JHY: variants seen among roughly 807,000 people sequenced by gnomAD.
JHY encodes jhy protein homolog.
Under a neutral mutation model 78.0 loss-of-function variants are expected in JHY, and 69 were observed. The observed-to-expected ratio is 0.88, with a 90% confidence interval of 0.73 to 1.08. The LOEUF (loss-of-function observed/expected upper bound fraction) is 1.08, where lower values mean the gene tolerates loss of function less well. Among genes scored for constraint, JHY ranks in the 50% least tolerant of loss-of-function variants. The pLI is 0.00. For synonymous variants in JHY, 368 were observed against 342.6 expected (o/e 1.07, Z -0.82); for missense variants, 944 against 927.8 (o/e 1.02, Z -0.23).
At chr11:122,941,165 C>A (rs1863868087) in intron 5 of JHY, among the ~76,000 whole-genome samples, 1 of 152,130 alleles carries the variant, frequency 6.6e-6, no homozygotes, top group Non-Finnish European at 1.5e-5. Context: ...AATTTAGAAA[C>A]CAAGATTTGA....
chr11:122,934,270 C>T lies in JHY; in HGVS notation c.979-150C>T, dbSNP rs149507001. On this transcript the variant is annotated intron_variant, in intron 4 of 8. Coordinates refer to ENST00000227349, the MANE Select transcript of JHY (RefSeq NM_024806.4). ...GGCGGAGCTTGCAGTGAGCCCAGAT[C>T]GTGCCACTGCACTCCAGCCTGGGAG... 2,663 of 303,516 alleles carry T rather than the reference C, an allele frequency of 8.8e-3. 167 individuals carry two copies. In the East Asian group the frequency reaches 0.16, roughly 18 times the overall value. The allele number at this position is 303,516 out of a possible 1,614,324, so 18.8% of individuals were successfully genotyped here. A position where few individuals can be genotyped will look rare whatever the true frequency, so the allele number is the denominator to read the frequency against.
In JHY at chr11:122,959,214, C is replaced by T. The variant is rs1352291921; in HGVS notation, c.2140-34C>T. 8.2e-6 allele frequency: 13 copies of T among 1,583,286 alleles called. No individual in the cohort carries two copies. The East Asian group carries it at 2.5e-4, about 30-fold the overall frequency. On this transcript the variant is annotated intron_variant, in intron 8 of 8. Transcript: ENST00000227349. ...ATTTAAGGAATCCAGGCTCACTTCCCATTTCAAATAAAATTTCATCTTTAT... is the reference window on the plus strand; with the variant it reads ...ATTTAAGGAATCCAGGCTCACTTCCTATTTCAAATAAAATTTCATCTTTAT...
At position 122,953,016 on chromosome 11, in the gene JHY, G is replaced by A. The variant is rs545562041; in HGVS notation, c.1930-3480G>A. Among the ~76,000 whole-genome samples, 39 of 152,242 alleles carry A rather than the reference G, an allele frequency of 2.6e-4. No homozygotes were observed. The South Asian group carries it at 7.5e-3, about 29-fold the overall frequency. On this transcript the variant is annotated intron_variant, in intron 6 of 8. Transcript: ENST00000227349. Reference sequence around the variant, plus strand: ...AAATACCCAGTATAATCAAGGTTTGGACAAAAAGAGCAATCTTGTGGCTCC... The same window carrying A: ...AAATACCCAGTATAATCAAGGTTTGAACAAAAAGAGCAATCTTGTGGCTCC...
intron 3 of JHY, among the ~76,000 whole-genome samples, chr11:122,919,710 G>A (rs929147472): frequency 2.0e-5 from 3 of 152,138 alleles, no homozygotes; most frequent in South Asian, 4.1e-4. Flanking sequence ...CAGGCACGGC[G>A]GCTCACGCCT....
chr11:122,918,691 T>C (rs533169140), intron 3 of JHY, among the ~76,000 whole-genome samples: 1 of 151,478 alleles, frequency 6.6e-6, no homozygotes, highest in African/African-American at 2.4e-5. Context: ...GTAGATTATA[T>C]GTATTCTGAT....
intron 3 of JHY, among the ~76,000 whole-genome samples, chr11:122,923,498 CTTTAAG>C (rs375721625): frequency 6.6e-6 from 1 of 152,274 alleles, no homozygotes; most frequent in African/African-American, 2.4e-5. Context: ...GATTGCATAA[CTTTAAG>C]TTTGCTTCCT....
In JHY at chr11:122,917,448, G is replaced by A. The variant is rs1224071219; in HGVS notation, c.865-7449G>A. ...ATTTTAAAGCAGAAGCTCTCATATTGTGTTCCTTGGACCAGGAGCATCATC... is the reference window on the plus strand; with the variant it reads ...ATTTTAAAGCAGAAGCTCTCATATTATGTTCCTTGGACCAGGAGCATCATC... On this transcript the variant is annotated intron_variant, in intron 3 of 8. Transcript: ENST00000227349. This position sits in a 1 kb window ranked among gnomAD's most constrained non-coding sequence, Gnocchi z 4.1. 1.3e-5 allele frequency among the ~76,000 whole-genome samples: 2 copies of A among 152,180 alleles called. No individual in the cohort carries two copies. The highest frequency in any genetic ancestry group is 2.4e-5 in the African/African-American group (1 of 41,434).
At chr11:122,958,452 A>G (rs1430844724) in intron 8 of JHY, among the ~76,000 whole-genome samples, 1 of 152,032 alleles carries the variant, frequency 6.6e-6, no homozygotes, top group Non-Finnish European at 1.5e-5. Context: ...TTTTTCATGA[A>G]GAGTTTCAAG....
chr11:122,940,246 G>A (rs1430728602), intron 5 of JHY, among the ~76,000 whole-genome samples: 1 of 152,026 alleles, frequency 6.6e-6, no homozygotes, highest in Non-Finnish European at 1.5e-5. Flanking sequence ...GCTGAGGCAG[G>A]AGAATCTCTT....
At chr11:122,891,674 C>G (rs761405124) in intron 2 of JHY, among the ~76,000 whole-genome samples, 2 of 151,950 alleles carry the variant, frequency 1.3e-5, no homozygotes, top group Admixed American at 6.6e-5. Flanking sequence ...TTGTAAAACT[C>G]TTTGCTTTAT....
intron 3 of JHY, among the ~76,000 whole-genome samples, chr11:122,915,457 GAGGC>G (rs1471463161): frequency 1.3e-5 from 2 of 152,160 alleles, no homozygotes; most frequent in Non-Finnish European, 2.9e-5. Context: ...CCTCACACAA[GAGGC>G]AATCATGGAA....
At chr11:122,928,481 C>T (rs1219776211) in intron 4 of JHY, among the ~76,000 whole-genome samples, 3 of 150,524 alleles carry the variant, frequency 2.0e-5, no homozygotes, top group Non-Finnish European at 4.4e-5. Flanking sequence ...ATATTTCACA[C>T]AACAAATATT....
At chr11:122,916,909 A>G (rs537260592) in intron 3 of JHY, among the ~76,000 whole-genome samples, 1 of 152,232 alleles carries the variant, frequency 6.6e-6, no homozygotes, top group South Asian at 2.1e-4. Flanking sequence ...AGATACAGGC[A>G]TGAGCTACTG....
intron 2 of JHY, among the ~76,000 whole-genome samples, chr11:122,889,532 A>G (rs959329133): frequency 1.3e-5 from 2 of 152,228 alleles, no homozygotes; most frequent in African/African-American, 4.8e-5. Flanking sequence ...ATAGGAGGAC[A>G]TGCAGGGCTA....
rs1245932604 is a variant in JHY at position 122,924,925 on chromosome 11, A to G, written c.893A>G (p.Lys298Arg). The change falls in exon 4 of 9, where the codon AAG becomes AGG. Residue 298 changes from lysine (K) to arginine (R), a missense_variant. Transcript: ENST00000227349. ...TCCTACCCCGTCAGAGTAACAGACA[A>G]GACGTCTATTCAGAATGCCAAGGAA... is the stretch of plus-strand genomic sequence containing the variant. ...QISYPVRVTD[K>R]TSIQNAKEME... 1 of 1,613,828 alleles carries G rather than the reference A, an allele frequency of 6.2e-7. No homozygotes were observed. The highest frequency in any genetic ancestry group is 8.5e-7 in the Non-Finnish European group (1 of 1,179,828).
At position 122,903,931 on chromosome 11, in the gene JHY, A is replaced by G; in HGVS notation, c.351A>G (p.Gln117=). The stretch of plus-strand genomic sequence containing the variant: ...TCTCTTCTGCTTTGGGCAGGCAACA[A>G]CCAATAGAAGACAAATATTCAGACC... The part of the protein sequence containing the change: ...TWDQGANNRQ[Q]PIEDKYSDLR... The change falls in exon 3 of 9, where the codon CAA becomes CAG. Residue 117 remains glutamine (Q), a synonymous_variant. Transcript: ENST00000227349. The G allele has an allele frequency of 6.3e-7, 1 of 1,580,026 alleles. No individual in the cohort carries two copies. The highest frequency in any genetic ancestry group is 1.4e-5 in the African/African-American group (1 of 73,932).
At chr11:122,957,558 T>A in intron 8 of JHY, 67 bp downstream of exon 8, 8 of 156,802 alleles carry the variant, frequency 5.1e-5, no homozygotes, top group Non-Finnish European at 7.2e-5. Flanking sequence ...TATTATCGCT[T>A]TTTTTTTTTT....
chr11:122,919,158 C>T (rs1421213484), intron 3 of JHY, among the ~76,000 whole-genome samples: 1 of 151,766 alleles, frequency 6.6e-6, no homozygotes, highest in Admixed American at 6.6e-5. Context: ...TCGGGACCAG[C>T]CTGGCTAACA....
chr11:122,954,314 T>C (rs1864148751), intron 6 of JHY, among the ~76,000 whole-genome samples: 1 of 152,216 alleles, frequency 6.6e-6, no homozygotes, highest in Admixed American at 6.5e-5. Flanking sequence ...AGCAAACTTT[T>C]GCTTAGACTT....
Sources: gnomAD v4.1 joint callset for allele counts (sites outside exome capture counted in the v4.1 genomes callset) on GRCh38, gnomAD v4.1.1 for gene constraint, Gnocchi (gnomAD v3.1) non-coding constraint, MANE v1.5 for transcripts, NCBI Gene and HGNC (gene_info 2026-07-23, HGNC 2026-07-21) for gene names.